Variants in KDM5B observed in about 807,000 individuals in gnomAD.
KDM5B encodes the protein lysine demethylase 5B.
KDM5B carries 144 observed loss-of-function variants against 193.4 expected under a neutral mutation model. The observed-to-expected ratio is 0.74, with a 90% CI of 0.65 to 0.86. KDM5B has a LOEUF of 0.86. Ranked by LOEUF, KDM5B falls within the 40% of genes least tolerant of loss-of-function variation. KDM5B has a pLI of 0.00. For missense variants in KDM5B, 1,833 were observed against 1,886.9 expected (o/e 0.97, Z 0.53); for synonymous variants, 668 against 682.6 (o/e 0.98, Z 0.33).
chr1:202,786,937 C>T (rs376440763), intron 1 of KDM5B, among the ~76,000 whole-genome samples: 4 of 152,046 alleles, frequency 2.6e-5, no homozygotes, highest in East Asian at 1.9e-4. Context: ...GGAGAAACCC[C>T]GTCTCTACTA....
chr1:202,801,028 G>GAC (rs917180212), intron 1 of KDM5B, among the ~76,000 whole-genome samples: 1 of 152,034 alleles, frequency 6.6e-6, no homozygotes, highest in Admixed American at 6.6e-5. Flanking sequence ...ACCTGAATAG[G>GAC]ACAAAAGCTA....
intron 5 of KDM5B, among the ~76,000 whole-genome samples, chr1:202,765,061 G>T (rs1656394236): frequency 6.6e-6 from 1 of 152,104 alleles, no homozygotes; most frequent in East Asian, 1.9e-4. Context: ...TTATCTATTT[G>T]CTTTATGCTT....
chr1:202,762,888 G>T (rs1322066413), intron 6 of KDM5B, 80 bp from the exon 7 acceptor site: 1 of 756,134 alleles, frequency 1.3e-6, no homozygotes. Flanking sequence ...AGCACATACT[G>T]TACACAAACA....
In KDM5B at chr1:202,756,528, A is replaced by C. The variant is rs1656018832; in HGVS notation, c.1198-12T>G. On this transcript the variant is annotated splice_polypyrimidine_tract_variant and intron_variant, in intron 9 of 26. Coordinates refer to ENST00000367265, the MANE Select transcript of KDM5B (RefSeq NM_006618.5). ...TCTGTGGGGACCATCTGGAAATACA[A>C]GGAATAGAAAAAATGAGTTTCCTCA... 1 of 1,560,900 alleles carries C rather than the reference A, an allele frequency of 6.4e-7. No individual in the cohort carries two copies. The highest frequency in any genetic ancestry group is 8.7e-7 in the Non-Finnish European group (1 of 1,153,784).
In KDM5B at chr1:202,804,882, AG is replaced by A. The variant is rs1219375537; in HGVS notation, c.204+3219del. Among the ~76,000 whole-genome samples the A allele has an allele frequency of 1.1e-3, 164 of 151,826 alleles. 1 individual carries two copies. The highest frequency in any genetic ancestry group is 6.8e-3 in the Middle Eastern group (2 of 292). On this transcript the variant is annotated intron_variant, in intron 1 of 26. Transcript: ENST00000367265. The stretch of plus-strand genomic sequence containing the variant: ...TTCCGTCTCAAAAAAAAAAAAAAAA[AG>A]AAATTTGTGGAATCTATCTATGGCC...
At chr1:202,773,385 T>C (rs1656801151) in intron 3 of KDM5B, 97 bp from the exon 4 acceptor site, 7 of 995,618 alleles carry the variant, frequency 7.0e-6, no homozygotes, top group Non-Finnish European at 1.0e-5. Context: ...GCTATGGTTA[T>C]CTTTTAAAAA....
intron 1 of KDM5B, among the ~76,000 whole-genome samples, chr1:202,784,636 T>C (rs1354752257): frequency 1.3e-5 from 2 of 152,182 alleles, no homozygotes; most frequent in African/African-American, 4.8e-5. Context: ...TAAACTCCTA[T>C]AAAAGACAAG....
In KDM5B at chr1:202,775,347, G is replaced by A. The variant is rs1044006238; in HGVS notation, c.283-612C>T. On this transcript the variant is annotated intron_variant, in intron 2 of 26. Transcript: ENST00000367265. ...GGTCAGGAGTTCGAGACCAGCCTGG[G>A]CAACATGGTGAAACTCCGTCTCTAC... 3.3e-5 allele frequency among the ~76,000 whole-genome samples: 5 copies of A among 151,008 alleles called. No homozygotes were observed. The East Asian group carries it at 9.8e-4, about 30-fold the overall frequency.
intron 7 of KDM5B, 47 bp downstream of exon 7, chr1:202,762,652 A>G (rs1251107796): frequency 1.8e-5 from 19 of 1,082,090 alleles, no homozygotes; most frequent in Admixed American, 6.9e-5. Flanking sequence ...AAAGGAAGGG[A>G]AGAAGGAAAA....
rs375248735 is a variant in KDM5B at position 202,752,917 on chromosome 1, A to C, written c.1689T>G (p.Thr563=). The C allele has an allele frequency of 3.1e-6, 5 of 1,613,724 alleles. No homozygotes were observed. Among genetic ancestry groups the C allele is most frequent in the Non-Finnish European group, 4.2e-6 (5 of 1,179,904 alleles). The stretch of plus-strand genomic sequence containing the variant: ...ACCCAGAACATACAGGCACTTCATG[A>C]GTCATCAGGGTATTGGGGTTCATGA... ...VTIMNPNTLM[T]HEVPVYRTNQ... is the part of the protein sequence containing the mutation. Residue 563 remains threonine, a synonymous_variant, in exon 12 of 27, where the codon ACT becomes ACG. Transcript: ENST00000367265.
At chr1:202,759,859 T>C (rs1295231069) in intron 8 of KDM5B, among the ~76,000 whole-genome samples, 2 of 152,218 alleles carry the variant, frequency 1.3e-5, no homozygotes, top group African/African-American at 4.8e-5. Context: ...TGATGCTTTT[T>C]ATAAGAATTA....
Position 202,742,652 on chromosome 1 carries a change from T to C in KDM5B, c.2474+3A>G, listed in dbSNP as rs748898278. ...CCAAACTCACGCAGTCAGAAGCGCA[T>C]ACCTAGTTTGCCTTTTGCCATTAAG... On this transcript the variant is annotated splice_donor_region_variant and intron_variant, in intron 17 of 26. Transcript: ENST00000367265. 11 of 1,613,772 alleles carry C rather than the reference T, an allele frequency of 6.8e-6. No homozygotes were observed. In the South Asian group the frequency reaches 7.7e-5, roughly 11 times the overall value.
chr1:202,742,898 G>A, intron 16 of KDM5B, 93 bp from the exon 17 acceptor site: 3 of 1,006,034 alleles, frequency 3.0e-6, no homozygotes, highest in Non-Finnish European at 1.5e-6. Context: ...GTCAGTTCTT[G>A]TCTAGAAATG....
Position 202,752,916 on chromosome 1 carries a change from GA to G in KDM5B, c.1689del (p.His564MetfsTer16). ...VTIMNPNTLM[T>X]HEVPVYRTNQ... is the part of the protein sequence containing the mutation. ...AACCCAGAACATACAGGCACTTCAT[GA>G]GTCATCAGGGTATTGGGGTTCATGA... On this transcript the variant is annotated frameshift_variant, in exon 12 of 27. Coordinates refer to ENST00000367265, the MANE Select transcript of KDM5B (RefSeq NM_006618.5). LOFTEE classifies it high-confidence loss of function. The G allele has an allele frequency of 6.2e-7, 1 of 1,613,848 alleles. No homozygotes were observed. Among genetic ancestry groups the G allele is most frequent in the Non-Finnish European group, 8.5e-7 (1 of 1,179,872 alleles).
intron 5 of KDM5B, among the ~76,000 whole-genome samples, chr1:202,766,143 A>C (rs1016670589): frequency 5.9e-5 from 9 of 151,720 alleles, no homozygotes; most frequent in African/African-American, 1.9e-4. Context: ...TGAGCCTGGG[A>C]GTTCAAAGTT....
chr1:202,729,180 A>G lies in KDM5B; in HGVS notation c.4498-7T>C. The stretch of plus-strand genomic sequence containing the variant: ...CACACTGGACCCAGTCCACCTGGTT[A>G]CAAAGAGCAGGAAGATGGGGTTTTC... On this transcript the variant is annotated splice_polypyrimidine_tract_variant and splice_region_variant and intron_variant, in intron 26 of 26. Transcript: ENST00000367265. 6.2e-7 allele frequency: 1 copy of G among 1,614,078 alleles called. No individual in the cohort carries two copies. Among genetic ancestry groups the G allele is most frequent in the Non-Finnish European group, 8.5e-7 (1 of 1,179,950 alleles).
At chr1:202,747,974 A>C (rs1655626025) in intron 14 of KDM5B, among the ~76,000 whole-genome samples, 1 of 152,164 alleles carries the variant, frequency 6.6e-6, no homozygotes, top group African/African-American at 2.4e-5. Context: ...TAAAAAAAAC[A>C]AAGTTAGAAG....
At chr1:202,786,178 A>C (rs868111164) in intron 1 of KDM5B, among the ~76,000 whole-genome samples, 1 of 15,744 alleles carries the variant, frequency 6.4e-5, no homozygotes, top group Non-Finnish European at 1.5e-4. Flanking sequence ...TTTTTTTTTT[A>C]AGAGACGGGG....
chr1:202,807,905 C>T (rs899445388), intron 1 of KDM5B, among the ~76,000 whole-genome samples, 197 bp downstream of exon 1: 2 of 152,038 alleles, frequency 1.3e-5, no homozygotes, highest in African/African-American at 4.8e-5. Flanking sequence ...TTCTCCCACG[C>T]TCCTCATCTC....
Sources: gnomAD v4.1 joint callset for allele counts (sites outside exome capture counted in the v4.1 genomes callset) on GRCh38, gnomAD v4.1.1 for gene constraint, MANE v1.5 for transcripts, NCBI Gene and HGNC (gene_info 2026-07-23, HGNC 2026-07-21) for gene names.